ENOX1: variants seen among roughly 807,000 people sequenced by gnomAD.
ENOX1 encodes candidate growth-related and time keeping constitutive hydroquinone (NADH) oxidase.
A neutral mutation model predicts 82.5 loss-of-function variants in ENOX1; 42 were observed. The observed-to-expected ratio is 0.51, with a 90% CI of 0.40 to 0.66. The LOEUF (loss-of-function observed/expected upper bound fraction) is 0.66. Among genes scored for constraint, ENOX1 ranks in the 30% least tolerant of loss-of-function variants. ENOX1 has a pLI of 0.00. For synonymous variants in ENOX1, 271 were observed against 282.2 expected, an observed-to-expected ratio of 0.96 and a Z score of 0.40; for missense variants, 608 against 811.6, an observed-to-expected ratio of 0.75 and a Z score of 3.05.
At chr13:43,763,856 T>C (rs1458651003) in intron 1 of ENOX1, among the ~76,000 whole-genome samples, 1 of 152,216 alleles carries the variant, frequency 6.6e-6, no homozygotes, top group East Asian at 1.9e-4. Context: ...AGATCAATAA[T>C]GCCTGTGGAA....
intron 1 of ENOX1, among the ~76,000 whole-genome samples, chr13:43,684,482 G>A (rs956504915): frequency 2.1e-4 from 32 of 152,276 alleles, no homozygotes; most frequent in Middle Eastern, 3.4e-3. Flanking sequence ...TAAAATGTAG[G>A]AAGTTCTGAC....
At chr13:43,698,940 A>T (rs903597757) in intron 1 of ENOX1, among the ~76,000 whole-genome samples, 2 of 152,252 alleles carry the variant, frequency 1.3e-5, no homozygotes, top group Non-Finnish European at 2.9e-5. Flanking sequence ...TTCACAGTTT[A>T]AAAAGCAAGA....
Position 43,492,812 on chromosome 13 carries a change from T to C in ENOX1, c.-218-8660A>G, listed in dbSNP as rs983608951. On this transcript the variant is annotated intron_variant, in intron 2 of 16. Transcript: ENST00000690772. ...GCAGTGATAGTTAATTTTATGTTGT[T>C]AACTTGGCTAGGCCATGGTACCTAG... is the stretch of plus-strand genomic sequence containing the variant. Among the ~76,000 whole-genome samples the C allele has an allele frequency of 2.5e-4, 38 of 152,248 alleles. 1 individual carries two copies. Among genetic ancestry groups the C allele is most frequent in the African/African-American group, 8.9e-4 (37 of 41,462 alleles).
intron 2 of ENOX1, among the ~76,000 whole-genome samples, chr13:43,575,891 C>A (rs2153714089): frequency 6.6e-6 from 1 of 152,198 alleles, no homozygotes. Flanking sequence ...GAGGTAAATG[C>A]CTGGGCAAAG....
At position 43,364,541 on chromosome 13, in the gene ENOX1, G is replaced by A. The variant is rs560419041; in HGVS notation, c.209-3089C>T. On this transcript the variant is annotated intron_variant, in intron 5 of 16. Transcript: ENST00000690772. ...TTTGGTTGTCTGTTCCCAGTTGGACGAGATGAAAACAAACAAAAAAAAATC... is the reference window on the plus strand; with the variant it reads ...TTTGGTTGTCTGTTCCCAGTTGGACAAGATGAAAACAAACAAAAAAAAATC... Among the ~76,000 whole-genome samples, 34 of 151,356 alleles carry A rather than the reference G, an allele frequency of 2.2e-4. No individual in the cohort carries two copies. The South Asian group carries it at 6.9e-3, about 31-fold the overall frequency.
At chr13:43,309,030 TTTTTTTTTTTTTTTC>T (rs993816103) in intron 11 of ENOX1, among the ~76,000 whole-genome samples, 2 of 116,264 alleles carry the variant, frequency 1.7e-5, no homozygotes, top group African/African-American at 2.8e-5. Context: ...AGTTACTTTT[TTTTTTTTTTTTTTTC>T]CAGAGTCTCG....
intron 14 of ENOX1, among the ~76,000 whole-genome samples, chr13:43,250,412 A>G (rs911250416): frequency 2.6e-5 from 4 of 152,164 alleles, no homozygotes; most frequent in Admixed American, 6.5e-5. Flanking sequence ...CTGTGATCCA[A>G]TGTGCTCCCA....
At chr13:43,683,701 AAAACATT>A (rs1566764722) in intron 1 of ENOX1, among the ~76,000 whole-genome samples, 1 of 152,108 alleles carries the variant, frequency 6.6e-6, no homozygotes, top group Non-Finnish European at 1.5e-5. Context: ...GCCCTCCTGA[AAAACATT>A]CCAGGGCTAC....
chr13:43,737,566 T>C (rs1273929051), intron 1 of ENOX1, among the ~76,000 whole-genome samples: 1 of 152,188 alleles, frequency 6.6e-6, no homozygotes, highest in Non-Finnish European at 1.5e-5. Context: ...CTGATCTCAC[T>C]AGCCAAGGAC....
chr13:43,325,318 TAAC>T (rs2048048821), intron 10 of ENOX1, among the ~76,000 whole-genome samples: 1 of 152,208 alleles, frequency 6.6e-6, no homozygotes, highest in African/African-American at 2.4e-5. Context: ...ATGTCCTTCT[TAAC>T]AATAAATTGC....
chr13:43,668,775 G>A (rs1456578444), intron 1 of ENOX1, among the ~76,000 whole-genome samples: 1 of 152,130 alleles, frequency 6.6e-6, no homozygotes, highest in Non-Finnish European at 1.5e-5. Flanking sequence ...TGACCCAGGT[G>A]GGAAACACTG....
chr13:43,396,547 T>C (rs2053163203), intron 5 of ENOX1, among the ~76,000 whole-genome samples: 1 of 151,922 alleles, frequency 6.6e-6, no homozygotes, highest in South Asian at 2.1e-4. Flanking sequence ...GCCTGGCTAA[T>C]TTTTTGTATT....
chr13:43,673,898 T>C (rs1174030611), intron 1 of ENOX1, among the ~76,000 whole-genome samples: 1 of 152,200 alleles, frequency 6.6e-6, no homozygotes, highest in Non-Finnish European at 1.5e-5. Flanking sequence ...TTAATCATTT[T>C]CTACTGCCTC....
intron 2 of ENOX1, among the ~76,000 whole-genome samples, chr13:43,666,785 G>A (rs910926684): frequency 6.6e-6 from 1 of 152,174 alleles, no homozygotes; most frequent in Non-Finnish European, 1.5e-5. Context: ...AACTCCTAAT[G>A]TGGGTCTATC....
intron 1 of ENOX1, among the ~76,000 whole-genome samples, chr13:43,727,814 A>C (rs1416177510): frequency 6.6e-6 from 1 of 152,214 alleles, no homozygotes; most frequent in African/African-American, 2.4e-5. Flanking sequence ...ATTGCCATTA[A>C]CATTATGCAT....
At chr13:43,338,816 T>G (rs911446164) in intron 9 of ENOX1, among the ~76,000 whole-genome samples, 132 of 150,568 alleles carry the variant, frequency 8.8e-4, no homozygotes, top group Admixed American at 2.3e-3. Flanking sequence ...CTCCCGAGTA[T>G]CTGGGACTAC....
At chr13:43,615,091 T>C (rs766120645) in intron 2 of ENOX1, among the ~76,000 whole-genome samples, 6 of 152,126 alleles carry the variant, frequency 3.9e-5, no homozygotes, top group Non-Finnish European at 7.4e-5. Flanking sequence ...AGAAAACAAA[T>C]AACATTCATT....
intron 2 of ENOX1, among the ~76,000 whole-genome samples, chr13:43,504,597 T>C (rs183241177): frequency 1.3e-5 from 2 of 151,736 alleles, no homozygotes; most frequent in South Asian, 2.1e-4. Context: ...ATACTACTAA[T>C]ATGAGGAATC....
chr13:43,321,743 T>C (rs2047822833), intron 11 of ENOX1, among the ~76,000 whole-genome samples: 1 of 152,252 alleles, frequency 6.6e-6, no homozygotes, highest in African/African-American at 2.4e-5. Context: ...TCCCTTGGTG[T>C]CTCATGTTTT....
Sources: gnomAD v4.1 joint callset for allele counts (sites outside exome capture counted in the v4.1 genomes callset) on GRCh38, gnomAD v4.1.1 for gene constraint, MANE v1.5 for transcripts, NCBI Gene and HGNC (gene_info 2026-07-23, HGNC 2026-07-21) for gene names.